USP48: variants seen among roughly 807,000 people sequenced by gnomAD.
The protein encoded by USP48 is ubiquitin specific peptidase 48, also known as ubiquitin carboxyl-terminal hydrolase 48.
A neutral mutation model predicts 150.7 loss-of-function variants in USP48; 43 were observed. The ratio of observed to expected loss-of-function variants is 0.29; its 90% CI spans 0.22 to 0.37. The LOEUF (loss-of-function observed/expected upper bound fraction) is 0.37. Ranked by LOEUF, USP48 falls within the 10% of genes least tolerant of loss-of-function variation. USP48 has a pLI of 1.00. For synonymous variants in USP48, 396 were observed against 425.9 expected (o/e 0.93, Z 0.86); for missense variants, 813 against 1,249.6 (o/e 0.65, Z 5.27).
intron 3 of USP48, among the ~76,000 whole-genome samples, chr1:21,755,285 G>GCTAT (rs202119389): frequency 0.076 from 11,606 of 152,182 alleles, 498 homozygotes; most frequent in Middle Eastern, 0.11. Context: ...TCAAGGCCAG[G>GCTAT]TGCTGTGGCT....
At chr1:21,774,282 C>T (rs1016233760) in intron 1 of USP48, among the ~76,000 whole-genome samples, 1 of 151,810 alleles carries the variant, frequency 6.6e-6, no homozygotes, top group African/African-American at 2.4e-5. Flanking sequence ...TTGCCACACA[C>T]AAAATTTGTA....
intron 1 of USP48, among the ~76,000 whole-genome samples, chr1:21,761,653 G>A (rs1336377755): frequency 6.6e-6 from 1 of 152,262 alleles, no homozygotes. Context: ...TATTCAGAAG[G>A]CTCAGGCAGA....
chr1:21,705,075 A>C (rs925308541), intron 19 of USP48, among the ~76,000 whole-genome samples: 2 of 152,134 alleles, frequency 1.3e-5, no homozygotes, highest in Admixed American at 6.5e-5. Context: ...ATAAACTTTG[A>C]ACTCCCTTAA....
At chr1:21,700,114 C>T (rs1429209313) in intron 22 of USP48, among the ~76,000 whole-genome samples, 2 of 151,492 alleles carry the variant, frequency 1.3e-5, no homozygotes, top group African/African-American at 2.4e-5. Context: ...TATATATGCA[C>T]ACAGAGTTTA....
chr1:21,684,795 G>A (rs2097576303), intron 25 of USP48, among the ~76,000 whole-genome samples: 1 of 152,182 alleles, frequency 6.6e-6, no homozygotes, highest in Admixed American at 6.6e-5. Context: ...ATCTAGTGAA[G>A]AGGGTGCCCT....
Position 21,721,735 on chromosome 1 carries a change from C to T in USP48, c.1678G>A (p.Glu560Lys). Residue 560 changes from glutamate to lysine, a missense_variant, in exon 13 of 27, where the codon GAA becomes AAA. Physicochemically the swap from Glu to Lys is moderately conservative, Grantham distance 56. Transcript: ENST00000308271. Reference sequence around the variant, plus strand: ...TTCAGACGCAATATGCGACAACGTTCTACTACACATTCCTTACACAGGGCT... The same window carrying T: ...TTCAGACGCAATATGCGACAACGTTTTACTACACATTCCTTACACAGGGCT... Reference protein sequence around the residue: ...VKALCKECVVERCRILRLKNQ... With the variant: ...VKALCKECVVKRCRILRLKNQ... 6.2e-7 allele frequency: 1 copy of T among 1,606,116 alleles called. No individual in the cohort carries two copies. The highest frequency in any genetic ancestry group is 8.5e-7 in the Non-Finnish European group (1 of 1,175,192).
At chr1:21,706,904 A>G in intron 15 of USP48, 36 bp from the exon 16 acceptor site, 2 of 1,533,798 alleles carry the variant, frequency 1.3e-6, no homozygotes, top group Non-Finnish European at 1.8e-6. Context: ...AAAAAAAAAA[A>G]CAGCTGAAAA....
At chr1:21,780,200 T>C (rs1254275253) in intron 1 of USP48, among the ~76,000 whole-genome samples, 5 of 152,178 alleles carry the variant, frequency 3.3e-5, no homozygotes. Context: ...TGTGGTATTA[T>C]CCATAAAATG....
At chr1:21,715,315 T>C (rs2097701288) in intron 15 of USP48, 74 bp downstream of exon 15, 1 of 1,215,356 alleles carries the variant, frequency 8.2e-7, no homozygotes, top group African/African-American at 1.6e-5. Flanking sequence ...GATACTGGCA[T>C]GAAAGCCAGG....
chr1:21,752,784 T>C, intron 4 of USP48, 133 bp from the exon 5 acceptor site: 2 of 1,222,566 alleles, frequency 1.6e-6, no homozygotes, highest in Non-Finnish European at 2.2e-6. Flanking sequence ...GCTACAGCTA[T>C]GTTCAATCAG....
intron 15 of USP48, among the ~76,000 whole-genome samples, chr1:21,713,049 T>C (rs906020654): frequency 1.3e-5 from 2 of 152,088 alleles, no homozygotes; most frequent in Non-Finnish European, 2.9e-5. Flanking sequence ...CCTCACTCCC[T>C]TTCTCATTCC....
At chr1:21,726,000 AT>A (rs2097736072) in intron 11 of USP48, among the ~76,000 whole-genome samples, 1 of 152,180 alleles carries the variant, frequency 6.6e-6, no homozygotes, top group East Asian at 1.9e-4. Context: ...AGTCAATTAG[AT>A]TAAAATGGTA....
intron 11 of USP48, chr1:21,727,973 C>T (rs867176860): frequency 1.9e-5 from 19 of 985,240 alleles, no homozygotes; most frequent in Non-Finnish European, 2.3e-5. Context: ...AATGGCACAT[C>T]AGCCTTTAAA....
chr1:21,711,163 A>G (rs1041415471), intron 15 of USP48, among the ~76,000 whole-genome samples: 1 of 152,138 alleles, frequency 6.6e-6, no homozygotes, highest in Non-Finnish European at 1.5e-5. Flanking sequence ...GATAAAAATT[A>G]TAAGGGTTTA....
chr1:21,687,147 T>G (rs2097582366), intron 25 of USP48, 44 bp downstream of exon 25: 1 of 1,591,180 alleles, frequency 6.3e-7, no homozygotes. Flanking sequence ...CCCACCTCCG[T>G]CTAAAACCTA....
intron 1 of USP48, among the ~76,000 whole-genome samples, chr1:21,772,684 G>A (rs1174207229): frequency 6.6e-6 from 1 of 151,726 alleles, no homozygotes; most frequent in Non-Finnish European, 1.5e-5. Flanking sequence ...CACTTTGAGA[G>A]GCCAAGGCAG....
At chr1:21,708,994 C>T (rs1047915599) in intron 15 of USP48, among the ~76,000 whole-genome samples, 1 of 151,416 alleles carries the variant, frequency 6.6e-6, no homozygotes, top group African/African-American at 2.4e-5. Context: ...ACTGCAGCCT[C>T]GACCTCCTGG....
chr1:21,732,398 C>T (rs2097759144), intron 9 of USP48, among the ~76,000 whole-genome samples: 1 of 152,146 alleles, frequency 6.6e-6, no homozygotes, highest in Admixed American at 6.6e-5. Context: ...ATGGTTTCTA[C>T]CTCTCTTTTC....
intron 1 of USP48, among the ~76,000 whole-genome samples, chr1:21,770,035 C>T (rs2097874592): frequency 6.6e-6 from 1 of 151,816 alleles, no homozygotes; most frequent in African/African-American, 2.4e-5. Flanking sequence ...AAATAATGTA[C>T]AGCACTGTTG....
Sources: gnomAD v4.1 joint callset for allele counts (sites outside exome capture counted in the v4.1 genomes callset) on GRCh38, gnomAD v4.1.1 for gene constraint, MANE v1.5 for transcripts, NCBI Gene and HGNC (gene_info 2026-07-23, HGNC 2026-07-21) for gene names.